TUT4: variants seen among roughly 807,000 people sequenced by gnomAD.
TUT4 encodes the protein terminal uridylyl transferase 4.
A neutral mutation model predicts 192.2 loss-of-function variants in TUT4; 36 were observed. The ratio of observed to expected loss-of-function variants is 0.19; its 90% CI spans 0.14 to 0.25. TUT4 has a LOEUF of 0.25. TUT4 is among the 10% of genes least tolerant of loss of function. The pLI, the probability that TUT4 is intolerant of heterozygous loss-of-function variation, is 1.00. For missense variants in TUT4, 1,493 were observed against 1,957.2 expected (o/e 0.76, Z 4.47); for synonymous variants, 618 against 666.0 (o/e 0.93, Z 1.11).
chr1:52,463,484 C>T (rs774066946), intron 16 of TUT4: 6 of 1,049,220 alleles, frequency 5.7e-6, no homozygotes, highest in Admixed American at 4.9e-5. Context: ...TCAAAACCAC[C>T]GTTCAAAAGA....
At chr1:52,463,775 G>C (rs1173188999) in intron 16 of TUT4, 19 of 1,303,944 alleles carry the variant, frequency 1.5e-5, no homozygotes, top group Non-Finnish European at 1.9e-5. Flanking sequence ...CCACTATTAA[G>C]GCCTGGTATA....
chr1:52,462,646 G>A, intron 16 of TUT4: 3 of 880,792 alleles, frequency 3.4e-6, no homozygotes, highest in Non-Finnish European at 4.1e-6. Flanking sequence ...GCACTCAGCA[G>A]AATGCCTGGC....
chr1:52,429,122 C>T (rs1210030288), intron 28 of TUT4, among the ~76,000 whole-genome samples: 2 of 132,234 alleles, frequency 1.5e-5, no homozygotes, highest in African/African-American at 2.9e-5. Context: ...CTCGCTCTGT[C>T]GCCCAGGCTG....
At chr1:52,488,821 T>C in intron 9 of TUT4, 88 bp downstream of exon 9, 2 of 1,335,848 alleles carry the variant, frequency 1.5e-6, no homozygotes, top group Admixed American at 2.8e-5. Context: ...TGATGTTACA[T>C]GTCAGTACAA....
rs1351191681 is a variant in TUT4 at position 52,499,827 on chromosome 1, T to C, written c.1000-2644A>G. Among the ~76,000 whole-genome samples, 6 of 150,378 alleles carry C rather than the reference T, an allele frequency of 4.0e-5. No individual in the cohort carries two copies. The South Asian group carries it at 8.5e-4, about 21-fold the overall frequency. On this transcript the variant is annotated intron_variant, in intron 4 of 29. Coordinates refer to ENST00000257177, the MANE Select transcript of TUT4 (RefSeq NM_001009881.3). ...GTGGTGGCTCATGCCTACAAGCACT[T>C]TGGGAGGCAGAGGTGGGCGGATCAC...
At chr1:52,451,863 AT>A (rs2148548380) in intron 20 of TUT4, among the ~76,000 whole-genome samples, 1 of 151,920 alleles carries the variant, frequency 6.6e-6, no homozygotes, top group Non-Finnish European at 1.5e-5. Flanking sequence ...AAAAGACACA[AT>A]ATGCCAAAAC....
intron 1 of TUT4, among the ~76,000 whole-genome samples, chr1:52,534,768 T>C (rs149600157): frequency 6.6e-6 from 1 of 150,944 alleles, no homozygotes; most frequent in African/African-American, 2.4e-5. Context: ...GAGGCTGAGG[T>C]GGAAGAATCA....
In TUT4 at chr1:52,435,404, C is replaced by T; in HGVS notation, c.4224G>A (p.Gln1408=). The change falls in exon 27 of 30, where the codon CAG becomes CAA. Residue 1408 remains glutamine (Q), a synonymous_variant. Transcript: ENST00000257177. ...AQQVAGSAQQ[Q]GDQSIRTRQS... is the part of the protein sequence containing the mutation. ...GTCTAGTCCTTATGGACTGATCACC[C>T]TGTTGCTGAGCTGAACCAGCCACCT... 1 of 1,614,166 alleles carries T rather than the reference C, an allele frequency of 6.2e-7. No individual in the cohort carries two copies. The highest frequency in any genetic ancestry group is 8.5e-7 in the Non-Finnish European group (1 of 1,179,998).
chr1:52,440,792 A>G (rs1655291536), intron 24 of TUT4, among the ~76,000 whole-genome samples: 1 of 152,244 alleles, frequency 6.6e-6, no homozygotes, highest in Admixed American at 6.5e-5. Context: ...AAGATGTAAT[A>G]TACGTACTTA....
intron 15 of TUT4, among the ~76,000 whole-genome samples, chr1:52,465,654 G>C (rs1045307444): frequency 2.0e-5 from 3 of 152,154 alleles, no homozygotes; most frequent in African/African-American, 7.2e-5. Flanking sequence ...ATCAATATTT[G>C]AGGACTGCCC....
intron 5 of TUT4, among the ~76,000 whole-genome samples, chr1:52,496,491 C>A (rs1388371010): frequency 2.0e-5 from 3 of 152,038 alleles, no homozygotes; most frequent in Non-Finnish European, 4.4e-5. Context: ...AGTCTTACGT[C>A]AGATACATTT....
At chr1:52,486,629 T>C (rs1301469567) in intron 9 of TUT4, among the ~76,000 whole-genome samples, 1 of 152,054 alleles carries the variant, frequency 6.6e-6, no homozygotes, top group Non-Finnish European at 1.5e-5. Context: ...CTTAAGAAAA[T>C]GAATACCATG....
At chr1:52,428,624 T>TA (rs772389695) in intron 28 of TUT4, among the ~76,000 whole-genome samples, 9,344 of 72,796 alleles carry the variant, frequency 0.13, 595 homozygotes, top group East Asian at 0.26. Flanking sequence ...AGACTCCCTC[T>TA]AAAAAAAAAA....
chr1:52,435,454 C>G lies in TUT4; in HGVS notation c.4174G>C (p.Val1392Leu). ...TGTTGAGCATTTACAAGGTTGCGGACCAGCTGGGCTGCTAAGAGAAGGCAT... is the reference window on the plus strand; with the variant it reads ...TGTTGAGCATTTACAAGGTTGCGGAGCAGCTGGGCTGCTAAGAGAAGGCAT... ...RNSSVAAAQL[V>L]RNLVNAQQVA... The change falls in exon 27 of 30, where the codon GTC (valine) becomes CTC (leucine). Residue 1392 changes from valine (V) to leucine (L), a missense_variant. Around this residue, in one of 7 missense-constraint regions of TUT4, gnomAD observed 351 missense variants for 397.8 expected, o/e 0.88. Coordinates refer to ENST00000257177, the MANE Select transcript of TUT4 (RefSeq NM_001009881.3). 1 of 1,614,032 alleles carries G rather than the reference C, an allele frequency of 6.2e-7. No individual in the cohort carries two copies.
At chr1:52,425,783 C>T (rs1389213176) in intron 28 of TUT4, among the ~76,000 whole-genome samples, 1 of 138,186 alleles carries the variant, frequency 7.2e-6, no homozygotes, top group East Asian at 2.1e-4. Context: ...CTAACCCAGT[C>T]TTTGAAGGTT....
chr1:52,494,621 G>A (rs570048866), intron 6 of TUT4, among the ~76,000 whole-genome samples: 1 of 152,292 alleles, frequency 6.6e-6, no homozygotes, highest in Non-Finnish European at 1.5e-5. Flanking sequence ...GAACCCAGGA[G>A]GTGGAGGGTG....
rs376416477 is a variant in TUT4, at chr1:52,450,453, G to C, written c.3436-3786C>G. On this transcript the variant is annotated intron_variant, in intron 20 of 29. Transcript: ENST00000257177. ...TTTGATCAATATTAAGCAGATGTCTGTTAAACAGATAATGAAAGAGTTTTT... is the reference window on the plus strand; with the variant it reads ...TTTGATCAATATTAAGCAGATGTCTCTTAAACAGATAATGAAAGAGTTTTT... 2.0e-5 allele frequency among the ~76,000 whole-genome samples: 3 copies of C among 152,244 alleles called. No individual in the cohort carries two copies. The East Asian group carries it at 5.8e-4, about 29-fold the overall frequency.
rs776903489 is a variant in TUT4, at chr1:52,423,881, G to A, written c.*54C>T. On this transcript the variant is annotated 3_prime_UTR_variant, in exon 30 of 30. Transcript: ENST00000257177. ...AGGTACGGATACCCTTGAGACAGCA[G>A]GATTGGCTGGTTGCTGTGCATCGGT... 2 of 1,597,688 alleles carry A rather than the reference G, an allele frequency of 1.3e-6. No homozygotes were observed. The highest frequency in any genetic ancestry group is 1.7e-6 in the Non-Finnish European group (2 of 1,172,248).
chr1:52,537,854 T>C (rs1358250827), intron 1 of TUT4, among the ~76,000 whole-genome samples: 2 of 151,870 alleles, frequency 1.3e-5, no homozygotes, highest in Admixed American at 1.3e-4. Flanking sequence ...CAGTTTGCTG[T>C]GAGCTGAGAT....
Sources: allele counts gnomAD v4.1 joint callset (sites outside exome capture counted in the v4.1 genomes callset), GRCh38; gene constraint gnomAD v4.1.1; regional missense constraint gnomAD v4.1.1; transcripts MANE v1.5; gene names NCBI Gene and HGNC (gene_info 2026-07-23, HGNC 2026-07-21).